The following ZBTB7C variants were observed in gnomAD, a reference collection of about 807,000 sequenced individuals.
The protein encoded by ZBTB7C is zinc finger and BTB domain containing 7C, also known as zinc finger and BTB domain-containing protein 7C.
A neutral mutation model predicts 25.7 loss-of-function variants in ZBTB7C; 8 were observed. The ratio of observed to expected loss-of-function variants is 0.31; its 90% confidence interval spans 0.18 to 0.56. The LOEUF is 0.56. Among genes scored for constraint, ZBTB7C ranks in the 20% least tolerant of loss-of-function variants. The pLI is 0.91. For missense variants in ZBTB7C, 824 were observed against 855.2 expected (o/e 0.96, Z 0.46); for synonymous variants, 394 against 369.0 (o/e 1.07, Z -0.78).
chr18:48,279,502 A>G (rs768927380), intron 2 of ZBTB7C, among the ~76,000 whole-genome samples: 3 of 152,244 alleles, frequency 2.0e-5, no homozygotes, highest in Admixed American at 6.5e-5. Context: ...CCAGTGGGGA[A>G]ATATCCACCC....
chr18:48,228,034 A>G (rs1419140233), intron 2 of ZBTB7C, among the ~76,000 whole-genome samples: 3 of 152,162 alleles, frequency 2.0e-5, no homozygotes, highest in Non-Finnish European at 4.4e-5. Flanking sequence ...TGGGGCAAAA[A>G]GGTGATGGAG....
chr18:48,065,789 T>C (rs900594822), intron 3 of ZBTB7C, among the ~76,000 whole-genome samples: 4 of 152,142 alleles, frequency 2.6e-5, no homozygotes, highest in African/African-American at 9.7e-5. Context: ...TCCTCTACTG[T>C]ACCATACAGT....
chr18:48,113,960 GA>G (rs2039335879), intron 3 of ZBTB7C, among the ~76,000 whole-genome samples: 1 of 152,190 alleles, frequency 6.6e-6, no homozygotes. Context: ...CTACTTGTCT[GA>G]AATAGGAGGG....
chr18:48,156,108 T>G (rs2040835341), intron 3 of ZBTB7C, among the ~76,000 whole-genome samples: 1 of 152,202 alleles, frequency 6.6e-6, no homozygotes, highest in Admixed American at 6.5e-5. Context: ...CCAAAAGGAT[T>G]TGAGCCAGCT....
At chr18:48,360,504 CT>C (rs1460914005) in intron 1 of ZBTB7C, among the ~76,000 whole-genome samples, 1 of 152,200 alleles carries the variant, frequency 6.6e-6, no homozygotes, top group Admixed American at 6.5e-5. Flanking sequence ...AGAGATGCCC[CT>C]AGGCAGGCGG....
Position 48,319,069 on chromosome 18 carries a change from T to C in ZBTB7C, c.-79+19105A>G, listed in dbSNP as rs535242709. Among the ~76,000 whole-genome samples the C allele has an allele frequency of 5.3e-5, 8 of 151,894 alleles. 1 individual carries two copies. The highest frequency in any genetic ancestry group is 1.9e-4 in the African/African-American group (8 of 41,390). ...AGGTCGCTTTCTCCTACCATAAATT[T>C]TGTGTCAATTAACGAGTATTCATGA... On this transcript the variant is annotated intron_variant, in intron 2 of 4. Coordinates refer to ENST00000590800, the MANE Select transcript of ZBTB7C (RefSeq NM_001318841.2).
intron 3 of ZBTB7C, among the ~76,000 whole-genome samples, chr18:48,107,654 G>GGGCAT (rs1219640387): frequency 1.3e-5 from 2 of 152,126 alleles, no homozygotes; most frequent in African/African-American, 4.8e-5. Context: ...GGGCGGGGCA[G>GGGCAT]GGCCGGCCTC....
chr18:48,092,791 G>C (rs1215967162), intron 3 of ZBTB7C, among the ~76,000 whole-genome samples: 1 of 152,230 alleles, frequency 6.6e-6, no homozygotes, highest in African/African-American at 2.4e-5. Context: ...AATAAGATTT[G>C]TAAGTTATTC....
chr18:48,297,092 A>T (rs1272752803), intron 2 of ZBTB7C, among the ~76,000 whole-genome samples: 1 of 152,138 alleles, frequency 6.6e-6, no homozygotes, highest in Non-Finnish European at 1.5e-5. Context: ...CCCTGGTGCC[A>T]AAAAGGTTAG....
intron 3 of ZBTB7C, among the ~76,000 whole-genome samples, chr18:48,165,781 T>C (rs888440382): frequency 1.3e-5 from 2 of 152,226 alleles, no homozygotes; most frequent in East Asian, 1.9e-4. Flanking sequence ...CAGCCCCTCT[T>C]TGCAGGGTCT....
chr18:48,057,177 A>T (rs1351980849), intron 3 of ZBTB7C, among the ~76,000 whole-genome samples: 1 of 151,902 alleles, frequency 6.6e-6, no homozygotes, highest in Non-Finnish European at 1.5e-5. Flanking sequence ...ATTAGATTTC[A>T]AGTTTCATCT....
upstream of ZBTB7C, among the ~76,000 whole-genome samples, chr18:48,410,230 C>T (rs1042262026): frequency 6.6e-6 from 1 of 152,186 alleles, no homozygotes; most frequent in African/African-American, 2.4e-5. Flanking sequence ...AAGCTTGCCG[C>T]ACCCCGGGGC....
At chr18:48,063,333 T>C (rs2144338545) in intron 3 of ZBTB7C, among the ~76,000 whole-genome samples, 1 of 152,354 alleles carries the variant, frequency 6.6e-6, no homozygotes, top group African/African-American at 2.4e-5. Context: ...CTTGAGGTCC[T>C]GTCCTGTCCC....
At chr18:48,077,062 CAA>C (rs10539603) in intron 3 of ZBTB7C, 144,897 of 399,444 alleles carry the variant, frequency 0.36, 13,240 homozygotes, top group African/African-American at 0.53. Flanking sequence ...TTGTTATATG[CAA>C]AAAAAAAAAA....
chr18:48,270,239 C>G (rs2044434928), intron 2 of ZBTB7C, among the ~76,000 whole-genome samples: 1 of 141,422 alleles, frequency 7.1e-6, no homozygotes, highest in African/African-American at 2.6e-5. Flanking sequence ...AAACCTAGTT[C>G]TTTTTCTCTC....
chr18:48,312,742 C>T (rs901229356), intron 2 of ZBTB7C, among the ~76,000 whole-genome samples: 2 of 152,196 alleles, frequency 1.3e-5, no homozygotes, highest in African/African-American at 4.8e-5. Flanking sequence ...TGCTGTGTCC[C>T]TAGAAGCCCA....
intron 3 of ZBTB7C, among the ~76,000 whole-genome samples, chr18:48,103,425 G>A (rs899919674): frequency 1.1e-4 from 16 of 152,208 alleles, no homozygotes; most frequent in East Asian, 7.7e-4. Context: ...GGACAAAGAC[G>A]GAGGCATAGG....
chr18:48,093,910 T>C (rs1166168339), intron 3 of ZBTB7C, among the ~76,000 whole-genome samples: 1 of 151,966 alleles, frequency 6.6e-6, no homozygotes, highest in African/African-American at 2.4e-5. Flanking sequence ...ACAAAAAAAA[T>C]TAGCTGGGCG....
chr18:48,286,406 T>A (rs2045055056), intron 2 of ZBTB7C, among the ~76,000 whole-genome samples: 1 of 152,018 alleles, frequency 6.6e-6, no homozygotes, highest in African/African-American at 2.4e-5. Flanking sequence ...AAGGAAAACA[T>A]CATCACATCA....
Sources: allele counts gnomAD v4.1 joint callset (sites outside exome capture counted in the v4.1 genomes callset), GRCh38; gene constraint gnomAD v4.1.1; transcripts MANE v1.5; gene names NCBI Gene and HGNC (gene_info 2026-07-23, HGNC 2026-07-21).